DMD: variants seen among roughly 807,000 people sequenced by gnomAD.
The protein encoded by DMD is dystrophin, also known as mutant dystrophin.
In DMD, 63 loss-of-function variants were observed where a neutral mutation model predicts 330.1. The observed-to-expected ratio is 0.19, with a 90% confidence interval of 0.16 to 0.24. DMD has a LOEUF of 0.24. DMD is among the 10% of genes least tolerant of loss of function. DMD has a pLI of 1.00. For missense variants in DMD, 3,344 were observed against 2,684.1 expected (o/e 1.25, Z -5.43); for synonymous variants, 1,223 against 959.8 (o/e 1.27, Z -5.07).
At chrX:32,412,214 A>G (rs1159804580) in intron 29 of DMD, 4 of 1,049,809 alleles carry the variant, frequency 3.8e-6, no homozygotes, top group Non-Finnish European at 3.8e-6. Flanking sequence ...AGTCATTGCA[A>G]TCTGTCTTTC....
chrX:32,308,925 A>G (rs2097550597), intron 42 of DMD, among the ~76,000 whole-genome samples: 1 of 111,259 alleles, frequency 9.0e-6, no homozygotes, highest in Admixed American at 9.6e-5. Flanking sequence ...GTTAATAGAA[A>G]TAATGACAGG....
rs750048421 is a variant in DMD at position 33,334,682 on chromosome X, A to G, written c.7+4577T>C. Among the ~76,000 whole-genome samples the G allele has an allele frequency of 4.8e-4, 54 of 111,653 alleles. 1 individual carries two copies. The highest frequency in any genetic ancestry group is 1.7e-3 in the African/African-American group (52 of 30,909). ...TGAAAACCATTTTAAATGACTGGTC[A>G]AACAGTAATAGATGTGACAATGTGG... On this transcript the variant is annotated intron_variant, in intron 1 of 17. Transcript: ENST00000288447.
chrX:32,259,965 G>A (rs760680130), intron 43 of DMD, among the ~76,000 whole-genome samples: 43 of 111,287 alleles, frequency 3.9e-4, no homozygotes, highest in Non-Finnish European at 7.4e-4. Flanking sequence ...ATCTGAGCAG[G>A]GCATGGAAGG....
At chrX:31,171,693 G>A (rs2040012819) in intron 73 of DMD, among the ~76,000 whole-genome samples, 2 of 111,351 alleles carry the variant, frequency 1.8e-5, no homozygotes, top group African/African-American at 6.5e-5. Context: ...AATGAAGCCT[G>A]TTTCCCTGCC....
intron 55 of DMD, among the ~76,000 whole-genome samples, chrX:31,621,474 T>C (rs139972016): frequency 7.0e-4 from 76 of 107,859 alleles, no homozygotes; most frequent in African/African-American, 2.5e-3. Context: ...AACTAGGCTA[T>C]GACTTAAAGT....
chrX:31,233,918 A>G (rs191039179), intron 63 of DMD, among the ~76,000 whole-genome samples: 3 of 111,865 alleles, frequency 2.7e-5, no homozygotes, highest in African/African-American at 9.7e-5. Context: ...TTCGTTGGTC[A>G]GTTTGGGCTC....
rs60128670 is a variant in DMD, at chrX:32,130,880, T to C, written c.6438+86036A>G. Among the ~76,000 whole-genome samples, 112 of 112,171 alleles carry C rather than the reference T, an allele frequency of 1.0e-3. 2 individuals carry two copies. In the East Asian group the frequency reaches 0.018, roughly 18 times the overall value. ...TTTCTGTATAAGACATATTGATATT[T>C]AAAAATTGTTATTACTTTTTAATGC... On this transcript the variant is annotated intron_variant, in intron 44 of 78. Transcript: ENST00000357033.
At chrX:32,192,901 G>A (rs1032878047) in intron 44 of DMD, among the ~76,000 whole-genome samples, 1 of 111,948 alleles carries the variant, frequency 8.9e-6, no homozygotes, top group Non-Finnish European at 1.9e-5. Flanking sequence ...TTGGATATGT[G>A]TCCCCGCCCA....
chrX:31,177,288 A>G (rs1234352450), intron 71 of DMD, among the ~76,000 whole-genome samples: 1 of 111,749 alleles, frequency 8.9e-6, no homozygotes, highest in Non-Finnish European at 1.9e-5. Context: ...CTTTCCTCCT[A>G]GAGCAAATGT....
intron 34 of DMD, among the ~76,000 whole-genome samples, chrX:32,374,148 GT>G (rs200203675): frequency 5.6e-4 from 61 of 108,637 alleles, no homozygotes; most frequent in Non-Finnish European, 7.5e-4. Flanking sequence ...TTTTTAATCT[GT>G]TTTTTTTTAA....
chrX:32,429,685 G>A (rs962036381), intron 29 of DMD, among the ~76,000 whole-genome samples: 1 of 109,324 alleles, frequency 9.1e-6, no homozygotes, highest in Non-Finnish European at 1.9e-5. Flanking sequence ...CCAGGTGGAT[G>A]CTCCATTAGT....
chrX:32,184,590 C>T (rs191414563), intron 44 of DMD, among the ~76,000 whole-genome samples: 5 of 111,120 alleles, frequency 4.5e-5, no homozygotes, highest in Admixed American at 1.9e-4. Flanking sequence ...AATGATCTAT[C>T]GGCTGACAAC....
chrX:32,460,864 G>T (rs1376898164), intron 25 of DMD, among the ~76,000 whole-genome samples: 3 of 111,774 alleles, frequency 2.7e-5, no homozygotes, highest in Admixed American at 1.9e-4. Flanking sequence ...ACATTGTTGT[G>T]ATAATGTGTT....
At chrX:33,190,877 ATAATATATAATATTATATAT>A (rs1569557960) in intron 1 of DMD, among the ~76,000 whole-genome samples, 20 of 1,401 alleles carry the variant, frequency 0.014, 6 homozygotes, top group East Asian at 0.25. Flanking sequence ...ATATATATAT[ATAATATATAATATTATATAT>A]TATATAATAT....
At chrX:32,612,800 G>A (rs1056923064) in intron 12 of DMD, among the ~76,000 whole-genome samples, 21 of 110,809 alleles carry the variant, frequency 1.9e-4, no homozygotes, top group African/African-American at 6.2e-4. Context: ...CATAGCAGAC[G>A]GGGATTACCA....
intron 2 of DMD, among the ~76,000 whole-genome samples, chrX:32,879,694 A>C (rs201775207): frequency 8.5e-4 from 77 of 90,629 alleles, no homozygotes; most frequent in African/African-American, 1.8e-3. Context: ...TGATGTTCAT[A>C]ATCTTTTCCA....
intron 19 of DMD, among the ~76,000 whole-genome samples, chrX:32,495,713 T>C (rs1250405855): frequency 8.9e-6 from 1 of 112,010 alleles, no homozygotes; most frequent in Non-Finnish European, 1.9e-5. Context: ...TTTATTATTA[T>C]ATATAATTGT....
At position 31,846,434 on chromosome X, in the gene DMD, T is replaced by TACACAC. The variant is rs67231830; in HGVS notation, c.7099-9621_7099-9616dup. On this transcript the variant is annotated intron_variant, in intron 48 of 78. Transcript: ENST00000357033. ...ACGTTTGCTCTGGAAAATCAAGAAATACACACACACACACACACACACACA... is the reference window on the plus strand; with the variant it reads ...ACGTTTGCTCTGGAAAATCAAGAAATACACACACACACACACACACACACACACACA... 5.5e-4 allele frequency among the ~76,000 whole-genome samples: 53 copies of TACACAC among 95,500 alleles called. 1 individual carries two copies. The East Asian group carries it at 8.3e-3, about 15-fold the overall frequency. 82.9% of individuals were successfully genotyped at this position (95,500 alleles called of 115,157 possible).
chrX:32,912,042 AGAG>A (rs2087303482), intron 2 of DMD, among the ~76,000 whole-genome samples: 3 of 69,831 alleles, frequency 4.3e-5, no homozygotes, highest in African/African-American at 2.0e-4. Context: ...AGAGAGAGAG[AGAG>A]AGAGAGAGAG....
Sources: gnomAD v4.1 joint callset for allele counts (sites outside exome capture counted in the v4.1 genomes callset) on GRCh38, gnomAD v4.1.1 for gene constraint, MANE v1.5 for transcripts, NCBI Gene and HGNC (gene_info 2026-07-23, HGNC 2026-07-21) for gene names.